The following HEATR5B variants were observed in gnomAD, a reference collection of about 807,000 sequenced individuals.
HEATR5B encodes HEAT repeat-containing protein 5B.
Under a neutral mutation model 224.1 loss-of-function variants are expected in HEATR5B, and 156 were observed. The ratio of observed to expected loss-of-function variants is 0.70; its 90% confidence interval spans 0.61 to 0.80. The LOEUF is 0.80. HEATR5B is among the 30% of genes least tolerant of loss of function. The pLI is 0.00. For missense variants in HEATR5B, 2,323 were observed against 2,535.5 expected (o/e 0.92, Z 1.80); for synonymous variants, 1,027 against 893.0 (o/e 1.15, Z -2.68).
intron 31 of HEATR5B, 23 bp from the exon 32 acceptor site, chr2:37,002,595 G>A: frequency 6.3e-7 from 1 of 1,597,302 alleles, no homozygotes. Context: ...ATAATTTGGT[G>A]AAATTTCCAG....
At chr2:37,041,327 G>T in intron 18 of HEATR5B, 35 bp from the exon 19 acceptor site, 1 of 1,600,558 alleles carries the variant, frequency 6.2e-7, no homozygotes, top group South Asian at 1.1e-5. Context: ...CACTAACTTT[G>T]CTATTTCCCT....
chr2:37,060,673 G>A lies in HEATR5B; in HGVS notation c.1757C>T (p.Pro586Leu). The A allele has an allele frequency of 6.2e-7, 1 of 1,613,900 alleles. No individual in the cohort carries two copies. Among genetic ancestry groups the A allele is most frequent in the Non-Finnish European group, 8.5e-7 (1 of 1,179,906 alleles). ...KMLLLWRNVF[P>L]RSLKELEAEK... ...AGCTTCCAATTCCTTTAAGGAACGT[G>A]GGAAAACATTTCGCCACAATAACAA... Residue 586 changes from proline (P) to leucine (L), a missense_variant, in exon 12 of 36, where the codon CCA becomes CTA. Physicochemically the swap from Pro to Leu is moderately conservative, Grantham distance 98 (BLOSUM62 -3). Coordinates refer to ENST00000233099, the MANE Select transcript of HEATR5B (RefSeq NM_019024.3).
At chr2:37,029,304 A>T (rs1380858778) in intron 22 of HEATR5B, among the ~76,000 whole-genome samples, 1 of 152,244 alleles carries the variant, frequency 6.6e-6, no homozygotes, top group Non-Finnish European at 1.5e-5. Context: ...TTCAGATTTT[A>T]AAATTTTTAT....
At chr2:37,059,428 GTGTGTGTGTGTGTGTGTGTATATATA>G (rs1671119900) in intron 12 of HEATR5B, among the ~76,000 whole-genome samples, 1 of 87,972 alleles carries the variant, frequency 1.1e-5, no homozygotes, top group Admixed American at 1.2e-4. Flanking sequence ...GTGTGTGTGT[GTGTGTGTGTGTGTGTGTGTATATATA>G]TATATATATA....
chr2:37,002,648 T>C (rs1667169475), intron 31 of HEATR5B, 76 bp from the exon 32 acceptor site: 1 of 1,438,758 alleles, frequency 7.0e-7, no homozygotes, highest in Non-Finnish European at 9.5e-7. Flanking sequence ...ATTTAGGAAA[T>C]TCCTTCAAAA....
chr2:37,034,474 G>A (rs1465247856), intron 21 of HEATR5B, among the ~76,000 whole-genome samples: 7 of 144,440 alleles, frequency 4.8e-5, no homozygotes, highest in Non-Finnish European at 9.2e-5. Context: ...TTAGCCGGGC[G>A]TAGTGGCGGG....
chr2:37,005,467 C>G (rs1667349789), intron 30 of HEATR5B, among the ~76,000 whole-genome samples, 165 bp downstream of exon 30: 1 of 152,040 alleles, frequency 6.6e-6, no homozygotes. Context: ...TGAGGCAGAC[C>G]AGGCACAGAG....
intron 29 of HEATR5B, among the ~76,000 whole-genome samples, chr2:37,006,839 G>A (rs541601158): frequency 6.6e-6 from 1 of 152,240 alleles, no homozygotes; most frequent in South Asian, 2.1e-4. Context: ...GTGTGAATGA[G>A]CATGACAGTT....
At chr2:37,084,094 A>C (rs1309700277) in intron 1 of HEATR5B, among the ~76,000 whole-genome samples, 175 bp downstream of exon 1, 1 of 152,266 alleles carries the variant, frequency 6.6e-6, no homozygotes, top group Non-Finnish European at 1.5e-5. Context: ...GGCCGCCGCA[A>C]GCCTCCGTGG....
chr2:36,982,560 G>A (rs1665653838), intron 35 of HEATR5B, among the ~76,000 whole-genome samples: 2 of 152,052 alleles, frequency 1.3e-5, no homozygotes, highest in Non-Finnish European at 2.9e-5. Context: ...CTTAATTACT[G>A]TTAATTTTTG....
chr2:37,078,603 A>C (rs1180383217), intron 3 of HEATR5B, among the ~76,000 whole-genome samples: 3 of 152,140 alleles, frequency 2.0e-5, no homozygotes, highest in African/African-American at 7.2e-5. Context: ...AAAACACAAA[A>C]ATCTAATCAC....
chr2:37,078,570 T>G (rs1437920547), intron 3 of HEATR5B, among the ~76,000 whole-genome samples: 1 of 152,200 alleles, frequency 6.6e-6, no homozygotes, highest in African/African-American at 2.4e-5. Context: ...CTAAAACTTT[T>G]GAGGTCTACA....
At position 36,981,362 on chromosome 2, in the gene HEATR5B, C is replaced by A; in HGVS notation, c.*128G>T. The A allele has an allele frequency of 1.7e-6, 1 of 594,628 alleles. No homozygotes were observed. 36.8% of individuals were successfully genotyped at this position (594,628 alleles called of 1,614,324 possible). A position where few individuals can be genotyped will look rare whatever the true frequency, so the allele number is the denominator to read the frequency against. On this transcript the variant is annotated 3_prime_UTR_variant, in exon 36 of 36. Transcript: ENST00000233099. ...TGGTGTGAGCATTATTTCACTTAAC[C>A]TACTTGGAAGCACTATAATACCAAT...
At chr2:37,084,052 C>T (rs772275429) in intron 1 of HEATR5B, among the ~76,000 whole-genome samples, 2 of 152,212 alleles carry the variant, frequency 1.3e-5, no homozygotes, top group Non-Finnish European at 2.9e-5. Flanking sequence ...ACTCCAAGAA[C>T]CGCAAGCGGC....
rs114225850 is a variant in HEATR5B, at chr2:37,023,683, C to G, written c.3854-2847G>C. On this transcript the variant is annotated intron_variant, in intron 24 of 35. Coordinates refer to ENST00000233099, the MANE Select transcript of HEATR5B (RefSeq NM_019024.3). ...GCTCAGGAGGCTGAGGCAGGAAGAT[C>G]GCTAAGATCGCTTGAACCCAGGAGG... Among the ~76,000 whole-genome samples the G allele has an allele frequency of 8.0e-3, 1,223 of 152,058 alleles. 11 individuals carry two copies. Among genetic ancestry groups the G allele is most frequent in the Non-Finnish European group, 0.013 (885 of 67,992 alleles).
intron 35 of HEATR5B, among the ~76,000 whole-genome samples, chr2:36,987,517 C>T (rs1666029532): frequency 6.6e-6 from 1 of 151,160 alleles, no homozygotes; most frequent in African/African-American, 2.4e-5. Context: ...AGTCTGTCTA[C>T]AATTAAAAAT....
intron 33 of HEATR5B, among the ~76,000 whole-genome samples, chr2:36,995,327 G>A (rs973171047): frequency 6.6e-6 from 1 of 151,714 alleles, no homozygotes. Flanking sequence ...CTGACCTCGT[G>A]ATCTGCCCAC....
chr2:37,062,156 G>A (rs1671321328), intron 10 of HEATR5B, 106 bp from the exon 11 acceptor site: 2 of 674,488 alleles, frequency 3.0e-6, no homozygotes, highest in Admixed American at 4.5e-5. Flanking sequence ...GCTGGATGCG[G>A]TGGCTCATGC....
chr2:37,057,340 CAGTTTCCTGA>C lies in HEATR5B; in HGVS notation c.2190_2199del (p.Gln731IlefsTer57). The C allele has an allele frequency of 1.2e-6, 2 of 1,604,968 alleles. No individual in the cohort carries two copies. The highest frequency in any genetic ancestry group is 1.7e-6 in the Non-Finnish European group (2 of 1,177,138). On this transcript the variant is annotated frameshift_variant, in exon 15 of 36. Transcript: ENST00000233099. LOFTEE classifies it high-confidence loss of function. ...ACCTGGTCTTCAATTGATTTATGAT[CAGTTTCCTGA>C]AGCCAAGAACCAAGAAGAACACTAT... is the stretch of plus-strand genomic sequence containing the variant.
Sources: gnomAD v4.1 joint callset for allele counts (sites outside exome capture counted in the v4.1 genomes callset) on GRCh38, gnomAD v4.1.1 for gene constraint, MANE v1.5 for transcripts, NCBI Gene and HGNC (gene_info 2026-07-23, HGNC 2026-07-21) for gene names.